The following TSPAN4 variants were observed in gnomAD, a reference collection of about 807,000 sequenced individuals.
The protein encoded by TSPAN4 is tetraspanin-4.
A neutral mutation model predicts 31.5 loss-of-function variants in TSPAN4; 38 were observed. That is an observed-to-expected ratio of 1.21 (90% CI 0.93 to 1.58). TSPAN4 has a LOEUF of 1.58. Ranked by LOEUF, TSPAN4 falls within the 40% of genes most tolerant of loss-of-function variation. The probability of loss-of-function intolerance (pLI) is 0.00; values close to 1 mark genes in which losing one functional copy is unlikely to be tolerated. For synonymous variants in TSPAN4, 186 were observed against 144.6 expected (o/e 1.29, Z -2.06); for missense variants, 330 against 317.3 (o/e 1.04, Z -0.30).
chr11:850,774 C>T (rs887591081), intron 3 of TSPAN4, among the ~76,000 whole-genome samples: 5 of 152,254 alleles, frequency 3.3e-5, no homozygotes, highest in Non-Finnish European at 5.9e-5. Flanking sequence ...GCGCCCGCTC[C>T]CTCCTCGGTG....
At chr11:866,156 C>T (rs964924289) in intron 8 of TSPAN4, among the ~76,000 whole-genome samples, 155 bp downstream of exon 8, 18 of 152,146 alleles carry the variant, frequency 1.2e-4, no homozygotes, top group Non-Finnish European at 2.1e-4. Context: ...TGGGCAGGGA[C>T]GGCCTGTGGG....
At position 844,652 on chromosome 11, in the gene TSPAN4, T is replaced by C. The variant is rs764246461; in HGVS notation, c.-118+1737T>C. The C allele has an allele frequency of 6.4e-5, 3 of 46,822 alleles. 1 individual carries two copies. The highest frequency in any genetic ancestry group is 2.7e-4 in the African/African-American group (3 of 10,948). 2.9% of individuals were successfully genotyped at this position (46,822 alleles called of 1,614,324 possible). A position where few individuals can be genotyped will look rare whatever the true frequency, so the allele number is the denominator to read the frequency against. On this transcript the variant is annotated intron_variant, in intron 1 of 8. Coordinates refer to ENST00000397397, the MANE Select transcript of TSPAN4 (RefSeq NM_003271.5). ...CACTGTGCCCGCCAGCAGGGGCGGG[T>C]GGGGGCCCCTCTCTCCTGGGTGTGG...
intron 5 of TSPAN4, chr11:864,840 G>A (rs1442230322): frequency 2.9e-5 from 12 of 415,468 alleles, no homozygotes; most frequent in Non-Finnish European, 5.3e-5. Flanking sequence ...GTTCTCCTCT[G>A]TAGAGCGGCC....
intron 2 of TSPAN4, among the ~76,000 whole-genome samples, chr11:847,746 T>C (rs932488913): frequency 1.3e-5 from 2 of 152,002 alleles, no homozygotes; most frequent in Admixed American, 6.6e-5. Flanking sequence ...GGGAGGGGTC[T>C]TAGGGGACAC....
chr11:849,277 A>G (rs886691326), intron 2 of TSPAN4, among the ~76,000 whole-genome samples: 4 of 152,202 alleles, frequency 2.6e-5, no homozygotes, highest in Admixed American at 1.3e-4. Flanking sequence ...GGAACCTCCC[A>G]TATAGTCAAA....
chr11:857,400 G>GGTTT (rs538466718), intron 3 of TSPAN4: 3 of 100,310 alleles, frequency 3.0e-5, no homozygotes, highest in African/African-American at 4.0e-5. Context: ...GGCAGTTTGG[G>GGTTT]TTTTTTTTTT....
At chr11:860,113 C>T (rs767754519) in intron 3 of TSPAN4, among the ~76,000 whole-genome samples, 6 of 152,196 alleles carry the variant, frequency 3.9e-5, no homozygotes, top group Non-Finnish European at 5.9e-5. Context: ...CTCCGGACAG[C>T]GTTCTGTTTT....
rs1565145752 is a variant in TSPAN4, at chr11:862,740, CTG to C, written c.255+2_255+3del. The C allele has an allele frequency of 1.9e-6, 3 of 1,608,736 alleles. No homozygotes were observed. Among genetic ancestry groups the C allele is most frequent in the Non-Finnish European group, 2.5e-6 (3 of 1,177,578 alleles). ...AAGGAGAACAAGTGCCTCCTGCTCA[CTG>C]TGAGTGCCGGGGCCCAAGCGATGCT... On this transcript the variant is annotated splice_donor_variant and coding_sequence_variant, in exon 4 of 9. Coordinates refer to ENST00000397397, the MANE Select transcript of TSPAN4 (RefSeq NM_003271.5). LOFTEE classifies it high-confidence loss of function.
intron 3 of TSPAN4, chr11:862,287 G>GT (rs1281949565): frequency 1.9e-6 from 1 of 525,874 alleles, no homozygotes; most frequent in Non-Finnish European, 3.4e-6. Context: ...AGAGGGAGTG[G>GT]TTCAGAGGCA....
At chr11:853,997 C>T (rs1327860393) in intron 3 of TSPAN4, among the ~76,000 whole-genome samples, 2 of 152,200 alleles carry the variant, frequency 1.3e-5, no homozygotes, top group Non-Finnish European at 1.5e-5. Context: ...CTCTGCTGCC[C>T]TGGGACCCCC....
rs770293810 is a variant in TSPAN4 at position 850,374 on chromosome 11, CCGGGGGCCGGGG to C, written c.63+8_63+19del. On this transcript the variant is annotated splice_region_variant and intron_variant, in intron 3 of 8. Coordinates refer to ENST00000397397, the MANE Select transcript of TSPAN4 (RefSeq NM_003271.5). Reference sequence around the variant, plus strand: ...CTTCAACCTGCTCTTCTGGGTGAGTCCGGGGGCCGGGGTGGGGGCCCGGGAAAGACCCGGGGT... The same window carrying C: ...CTTCAACCTGCTCTTCTGGGTGAGTCTGGGGGCCCGGGAAAGACCCGGGGT... 1 of 1,598,612 alleles carries C rather than the reference CCGGGGGCCGGGG, an allele frequency of 6.3e-7. No individual in the cohort carries two copies. Among genetic ancestry groups the C allele is most frequent in the Admixed American group, 1.7e-5 (1 of 59,758 alleles).
intron 3 of TSPAN4, among the ~76,000 whole-genome samples, chr11:860,651 C>G (rs931182051): frequency 4.6e-5 from 7 of 152,154 alleles, no homozygotes; most frequent in African/African-American, 1.2e-4. Context: ...TGGTTTCTGT[C>G]TGGAAAGTGG....
At chr11:859,801 G>A (rs1241765105) in intron 3 of TSPAN4, 1 of 152,178 alleles carries the variant, frequency 6.6e-6, no homozygotes, top group African/African-American at 2.4e-5. Context: ...CTGCTTCTGG[G>A]GCTGGCTTTG....
At position 850,355 on chromosome 11, in the gene TSPAN4, C is replaced by T. The variant is rs780451763; in HGVS notation, c.51C>T (p.Asn17=). The change falls in exon 3 of 9, where the codon AAC becomes AAT. Residue 17 remains asparagine, a synonymous_variant. Coordinates refer to ENST00000397397, the MANE Select transcript of TSPAN4 (RefSeq NM_003271.5). ...TCAAGTACCTCATGTTCGCCTTCAACCTGCTCTTCTGGGTGAGTCCGGGGG... is the reference window on the plus strand; with the variant it reads ...TCAAGTACCTCATGTTCGCCTTCAATCTGCTCTTCTGGGTGAGTCCGGGGG... The part of the protein sequence containing the change: ...QAVKYLMFAF[N]LLFWLGGCGV... 7 of 1,604,798 alleles carry T rather than the reference C, an allele frequency of 4.4e-6. No homozygotes were observed. The highest frequency in any genetic ancestry group is 5.1e-6 in the Non-Finnish European group (6 of 1,179,138).
intron 1 of TSPAN4, among the ~76,000 whole-genome samples, chr11:845,624 C>T (rs1308139252): frequency 6.6e-6 from 1 of 152,098 alleles, no homozygotes; most frequent in Non-Finnish European, 1.5e-5. Context: ...TGAGGTGCGG[C>T]TGCTCCTGGA....
At chr11:843,454 A>T (rs897535229) in intron 1 of TSPAN4, 4 of 152,136 alleles carry the variant, frequency 2.6e-5, no homozygotes, top group Non-Finnish European at 5.9e-5. Context: ...GTCGTGGAAG[A>T]GGTGCTTTTT....
intron 6 of TSPAN4, 21 bp from the exon 7 acceptor site, chr11:865,673 C>G: frequency 1.9e-6 from 3 of 1,612,852 alleles, no homozygotes; most frequent in South Asian, 1.1e-5. Context: ...TGCCTCAGCC[C>G]GACCTGAGCT....
chr11:849,652 G>A (rs1463015518), intron 2 of TSPAN4, among the ~76,000 whole-genome samples: 1 of 151,788 alleles, frequency 6.6e-6, no homozygotes, highest in African/African-American at 2.4e-5. Context: ...GGGCGCCGGC[G>A]CGGGCGAAGG....
chr11:866,085 C>G, intron 8 of TSPAN4, 84 bp downstream of exon 8: 2 of 1,433,310 alleles, frequency 1.4e-6, no homozygotes, highest in East Asian at 4.8e-5. Flanking sequence ...AAAGACCTTG[C>G]CCCCAGGAAC....
Sources: allele counts gnomAD v4.1 joint callset (sites outside exome capture counted in the v4.1 genomes callset), GRCh38; gene constraint gnomAD v4.1.1; transcripts MANE v1.5; gene names NCBI Gene and HGNC (gene_info 2026-07-23, HGNC 2026-07-21).